The following PATJ variants were observed in gnomAD, a reference collection of about 807,000 sequenced individuals.
PATJ encodes the protein PATJ crumbs cell polarity complex component.
A neutral mutation model predicts 224.9 loss-of-function variants in PATJ; 190 were observed. The ratio of observed to expected loss-of-function variants is 0.84; its 90% CI spans 0.75 to 0.95. PATJ has a LOEUF of 0.95. Among genes scored for constraint, PATJ ranks in the 40% least tolerant of loss-of-function variants. PATJ has a pLI of 0.00. For missense variants in PATJ, 2,121 were observed against 2,270.3 expected (o/e 0.93, Z 1.34); for synonymous variants, 769 against 820.3 (o/e 0.94, Z 1.07).
intron 33 of PATJ, among the ~76,000 whole-genome samples, chr1:62,097,363 T>G (rs1312096016): frequency 1.3e-5 from 2 of 152,156 alleles, no homozygotes; most frequent in Admixed American, 1.3e-4. Flanking sequence ...TCTTTCCAGA[T>G]TCCTTGAATC....
chr1:61,993,907 C>T (rs768496889), intron 28 of PATJ, among the ~76,000 whole-genome samples: 2 of 152,148 alleles, frequency 1.3e-5, no homozygotes, highest in East Asian at 1.9e-4. Context: ...TTATTGGACT[C>T]CTCCTATGCT....
At chr1:62,044,992 C>A (rs566306728) in intron 30 of PATJ, among the ~76,000 whole-genome samples, 74 of 152,182 alleles carry the variant, frequency 4.9e-4, no homozygotes, top group African/African-American at 1.7e-3. Flanking sequence ...CCGAGGCTGG[C>A]GGATCACCTG....
intron 17 of PATJ, among the ~76,000 whole-genome samples, chr1:61,853,359 T>C (rs1663137442): frequency 6.6e-6 from 1 of 152,162 alleles, no homozygotes; most frequent in African/African-American, 2.4e-5. Flanking sequence ...TAAATTTTGG[T>C]GTTATCTGAA....
At chr1:61,849,838 A>G (rs1162307026) in intron 17 of PATJ, among the ~76,000 whole-genome samples, 1 of 152,220 alleles carries the variant, frequency 6.6e-6, no homozygotes, top group Non-Finnish European at 1.5e-5. Flanking sequence ...CCCAAAAGAT[A>G]TTCTTCATTT....
Position 61,746,926 on chromosome 1 carries a change from G to T in PATJ, c.-36+4371G>T, listed in dbSNP as rs78561081. On this transcript the variant is annotated intron_variant, in intron 1 of 43. Transcript: ENST00000642238. The stretch of plus-strand genomic sequence containing the variant: ...AGTGAATTCACATTTAGAACCTTGT[G>T]ATTCTGAGACAATGACTCAGCATTT... Among the ~76,000 whole-genome samples the T allele has an allele frequency of 3.9e-5, 6 of 152,318 alleles. No homozygotes were observed. The East Asian group carries it at 1.2e-3, about 29-fold the overall frequency.
intron 20 of PATJ, among the ~76,000 whole-genome samples, chr1:61,870,121 C>T (rs558524801): frequency 3.9e-5 from 6 of 152,046 alleles, no homozygotes; most frequent in South Asian, 2.1e-4. Flanking sequence ...GGCTCCTGAG[C>T]GCTTTCTGGT....
intron 20 of PATJ, among the ~76,000 whole-genome samples, chr1:61,872,477 A>G (rs989632928): frequency 1.3e-5 from 2 of 152,194 alleles, no homozygotes; most frequent in African/African-American, 4.8e-5. Flanking sequence ...AAAACTCCTT[A>G]TCTGAGGAAT....
intron 33 of PATJ, among the ~76,000 whole-genome samples, chr1:62,106,952 G>T (rs565448566): frequency 6.6e-6 from 1 of 152,078 alleles, no homozygotes; most frequent in African/African-American, 2.4e-5. Flanking sequence ...CCTGGGCACT[G>T]CAGGACTCAA....
chr1:61,827,689 C>A (rs1173966560), intron 16 of PATJ, 106 bp downstream of exon 16: 2 of 1,039,968 alleles, frequency 1.9e-6, no homozygotes, highest in Admixed American at 2.8e-5. Flanking sequence ...CCACTCTGCT[C>A]TTTTTTTGCT....
At chr1:61,936,432 C>CAAAAAAAAAA (rs11455787) in intron 27 of PATJ, among the ~76,000 whole-genome samples, 2 of 92,716 alleles carry the variant, frequency 2.2e-5, no homozygotes, top group Non-Finnish European at 4.0e-5. Flanking sequence ...CTTCCAAGAC[C>CAAAAAAAAAA]AAAAAAAAAA....
chr1:61,766,708 A>T lies in PATJ; in HGVS notation c.384+235A>T, dbSNP rs1010146805. ...TGTATGTGGTAAGGAGAGCTTTTTA[A>T]AAAAAAATTAACATTTATTTTTTGA... is the stretch of plus-strand genomic sequence containing the variant. On this transcript the variant is annotated intron_variant, in intron 4 of 43. Transcript: ENST00000642238. Among the ~76,000 whole-genome samples, 21 of 152,152 alleles carry T rather than the reference A, an allele frequency of 1.4e-4. No individual in the cohort carries two copies. In the East Asian group the frequency reaches 2.3e-3, roughly 17 times the overall value.
intron 20 of PATJ, among the ~76,000 whole-genome samples, chr1:61,873,437 G>C (rs1052662553): frequency 1.3e-5 from 2 of 152,106 alleles, no homozygotes; most frequent in African/African-American, 2.4e-5. Flanking sequence ...CCAAAGTGCT[G>C]GGATTATAGG....
intron 39 of PATJ, among the ~76,000 whole-genome samples, chr1:62,125,194 G>A (rs897423026): frequency 7.5e-6 from 1 of 133,802 alleles, no homozygotes. Context: ...CCGTGATCAT[G>A]CCACTGCACT....
chr1:62,134,786 C>T (rs1309515715), intron 41 of PATJ, among the ~76,000 whole-genome samples: 1 of 152,304 alleles, frequency 6.6e-6, no homozygotes, highest in South Asian at 2.1e-4. Context: ...GCGCAGGCCT[C>T]GCCCAGAGCA....
At chr1:62,156,303 G>C (rs1167568179) in intron 43 of PATJ, among the ~76,000 whole-genome samples, 3 of 151,980 alleles carry the variant, frequency 2.0e-5, no homozygotes, top group Admixed American at 6.6e-5. Flanking sequence ...GCCGAGGCAG[G>C]CTGATCACTT....
At chr1:62,106,115 C>CACACAA in intron 33 of PATJ, among the ~76,000 whole-genome samples, 5 of 46,476 alleles carry the variant, frequency 1.1e-4, no homozygotes, top group South Asian at 2.7e-3. Flanking sequence ...CACACACACA[C>CACACAA]ACACAAACAC....
At chr1:62,059,169 GA>G (rs1466398645) in intron 31 of PATJ, among the ~76,000 whole-genome samples, 2 of 152,300 alleles carry the variant, frequency 1.3e-5, no homozygotes, top group African/African-American at 2.4e-5. Flanking sequence ...ATAGTAGCAG[GA>G]AGTGAAAACC....
At chr1:61,870,928 G>A (rs920075782) in intron 20 of PATJ, among the ~76,000 whole-genome samples, 3 of 152,016 alleles carry the variant, frequency 2.0e-5, no homozygotes, top group African/African-American at 7.2e-5. Flanking sequence ...AGTATAAAGT[G>A]CTATCTTATG....
intron 29 of PATJ, among the ~76,000 whole-genome samples, chr1:62,024,692 AC>A (rs1647482046): frequency 8.9e-6 from 1 of 112,444 alleles, no homozygotes; most frequent in Non-Finnish European, 2.1e-5. Flanking sequence ...ACACACACAC[AC>A]ACACACACAC....
Sources: allele counts gnomAD v4.1 joint callset (sites outside exome capture counted in the v4.1 genomes callset), GRCh38; gene constraint gnomAD v4.1.1; transcripts MANE v1.5; gene names NCBI Gene and HGNC (gene_info 2026-07-23, HGNC 2026-07-21).